Variants in FAM25A observed in about 807,000 individuals in gnomAD.
The protein encoded by FAM25A is family with sequence similarity 25 member A.
Under a neutral mutation model 6.6 loss-of-function variants are expected in FAM25A, and 5 were observed. That is an observed-to-expected ratio of 0.75 (90% CI 0.39 to 1.59). FAM25A has a LOEUF of 1.59. Among genes scored for constraint, FAM25A ranks in the 40% most tolerant of loss-of-function variants. The pLI is 0.02. For synonymous variants in FAM25A, 36 were observed against 41.3 expected, an observed-to-expected ratio of 0.87 and a Z score of 0.49; for missense variants, 93 against 109.7, an observed-to-expected ratio of 0.85 and a Z score of 0.68.
intron 2 of FAM25A, among the ~76,000 whole-genome samples, chr10:87,024,138 A>G (rs1845356323): frequency 6.9e-6 from 1 of 145,452 alleles, no homozygotes; most frequent in East Asian, 2.1e-4. Flanking sequence ...TTGACAATCC[A>G]AAACTGAAAT....
intron 2 of FAM25A, 51 bp downstream of exon 2, chr10:87,022,427 T>G: frequency 1.3e-6 from 2 of 1,538,836 alleles, no homozygotes; most frequent in South Asian, 1.2e-5. Flanking sequence ...CAAGGGAAGC[T>G]AGGTGCTGGG....
At position 87,024,103 on chromosome 10, in the gene FAM25A, G is replaced by A. The variant is rs182406779; in HGVS notation, c.137-438G>A. On this transcript the variant is annotated intron_variant, in intron 2 of 2. Coordinates refer to ENST00000343959, the MANE Select transcript of FAM25A (RefSeq NM_001146157.3). ...TTAGAACCATGACAAAAAAATCAGC[G>A]CCATAAAGGAAATATTAAGTAAATT... Among the ~76,000 whole-genome samples the A allele has an allele frequency of 3.8e-3, 578 of 151,014 alleles. 14 individuals carry two copies. The highest frequency in any genetic ancestry group is 0.029 in the Admixed American group (443 of 15,140).
intron 2 of FAM25A, among the ~76,000 whole-genome samples, chr10:87,023,492 G>A (rs1845349282): frequency 6.6e-6 from 1 of 152,210 alleles, no homozygotes; most frequent in Non-Finnish European, 1.5e-5. Flanking sequence ...AGGCCAAGGT[G>A]GGTGGGCCAC....
chr10:87,020,790 T>C (rs191332626), intron 1 of FAM25A, among the ~76,000 whole-genome samples: 172 of 152,360 alleles, frequency 1.1e-3, no homozygotes, highest in African/African-American at 3.8e-3. Context: ...AAAGGGCATT[T>C]TCAATTTCAT....
chr10:87,024,536 A>C lies in FAM25A; in HGVS notation c.137-5A>C. ...TAGGACATTCTTCCTCTTTCTTTCC[A>C]ACAGCCATTGCTGAAGCCATAAAGA... On this transcript the variant is annotated splice_region_variant and splice_polypyrimidine_tract_variant and intron_variant, in intron 2 of 2. Transcript: ENST00000343959. 1 of 1,535,812 alleles carries C rather than the reference A, an allele frequency of 6.5e-7. No individual in the cohort carries two copies. The highest frequency in any genetic ancestry group is 1.2e-5 in the South Asian group (1 of 83,972).
intron 2 of FAM25A, among the ~76,000 whole-genome samples, chr10:87,023,701 A>G (rs1306802590): frequency 6.6e-6 from 1 of 152,202 alleles, no homozygotes; most frequent in East Asian, 1.9e-4. Context: ...AGCCTTGGTG[A>G]CAGAGCAAGA....
intron 1 of FAM25A, among the ~76,000 whole-genome samples, chr10:87,021,964 G>T (rs1010406018): frequency 6.6e-6 from 1 of 152,230 alleles, no homozygotes; most frequent in Non-Finnish European, 1.5e-5. Flanking sequence ...TGGCAAGATG[G>T]CCTGCTCATT....
chr10:87,023,849 G>C (rs1010793470), intron 2 of FAM25A, among the ~76,000 whole-genome samples: 3 of 152,062 alleles, frequency 2.0e-5, no homozygotes, highest in Non-Finnish European at 2.9e-5. Flanking sequence ...GAGTCTTTCT[G>C]GTTCGTGGAT....
chr10:87,021,520 T>C (rs993855414), intron 1 of FAM25A, among the ~76,000 whole-genome samples: 4 of 152,216 alleles, frequency 2.6e-5, no homozygotes, highest in African/African-American at 7.2e-5. Flanking sequence ...CACCAATAAA[T>C]AGCATGGGTT....
rs1469401414 is a variant in FAM25A at position 87,024,563 on chromosome 10, A to G, written c.159A>G (p.Lys53=). ...GEKAIAEAIK[K]AQESGDKKMK... ...CAGCCATTGCTGAAGCCATAAAGAA[A>G]GCCCAAGAGTCAGGGGACAAAAAGA... The change falls in exon 3 of 3, where the codon AAA becomes AAG. Residue 53 remains lysine, a synonymous_variant. Coordinates refer to ENST00000343959, the MANE Select transcript of FAM25A (RefSeq NM_001146157.3). The G allele has an allele frequency of 2.6e-6, 4 of 1,535,792 alleles. No homozygotes were observed. The South Asian group carries it at 3.6e-5, about 14-fold the overall frequency.
chr10:87,024,467 C>G, intron 2 of FAM25A, 74 bp from the exon 3 acceptor site: 1 of 1,535,132 alleles, frequency 6.5e-7, no homozygotes, highest in East Asian at 2.4e-5. Context: ...ATGGCCACAT[C>G]CCACAGGCCA....
intron 1 of FAM25A, among the ~76,000 whole-genome samples, chr10:87,021,165 T>A (rs1312291060): frequency 6.6e-6 from 1 of 152,232 alleles, no homozygotes; most frequent in Non-Finnish European, 1.5e-5. Flanking sequence ...AGCAGCTATG[T>A]GTGGGGAGGC....
intron 2 of FAM25A, among the ~76,000 whole-genome samples, chr10:87,023,881 T>C (rs1193616689): frequency 3.9e-5 from 6 of 152,016 alleles, no homozygotes; most frequent in Non-Finnish European, 7.4e-5. Context: ...TGTCCTCACA[T>C]GGTGGAAGGA....
chr10:87,022,486 A>T lies in FAM25A; in HGVS notation c.136+110A>T, dbSNP rs936434117. 6.7e-5 allele frequency: 83 copies of T among 1,247,110 alleles called. No individual in the cohort carries two copies. The Middle Eastern group carries it at 1.0e-3, about 16-fold the overall frequency. The allele number at this position is 1,247,110 out of a possible 1,614,324, so 77.3% of individuals were successfully genotyped here. A position where few individuals can be genotyped will look rare whatever the true frequency, so the allele number is the denominator to read the frequency against. On this transcript the variant is annotated intron_variant, in intron 2 of 2. Transcript: ENST00000343959. Reference sequence around the variant, plus strand: ...GGTCAAACTCTGCCCCCAATGTTGCAGCCTTTCAGAGCCTCTTGGCTGGGG... The same window carrying T: ...GGTCAAACTCTGCCCCCAATGTTGCTGCCTTTCAGAGCCTCTTGGCTGGGG...
chr10:87,021,845 C>T (rs1845331336), intron 1 of FAM25A, among the ~76,000 whole-genome samples: 1 of 152,218 alleles, frequency 6.6e-6, no homozygotes, highest in Non-Finnish European at 1.5e-5. Flanking sequence ...CTTTGAGAGA[C>T]CTGGTTTTAC....
intron 2 of FAM25A, among the ~76,000 whole-genome samples, chr10:87,022,797 G>C (rs1480884335): frequency 2.0e-5 from 3 of 151,742 alleles, no homozygotes; most frequent in African/African-American, 7.3e-5. Flanking sequence ...CATGGTGGTG[G>C]GTGCCTATAG....
intron 2 of FAM25A, among the ~76,000 whole-genome samples, chr10:87,023,847 C>G (rs1288447481): frequency 6.6e-6 from 1 of 152,040 alleles, no homozygotes; most frequent in Non-Finnish European, 1.5e-5. Context: ...GGGAGTCTTT[C>G]TGGTTCGTGG....
intron 1 of FAM25A, among the ~76,000 whole-genome samples, 186 bp from the exon 2 acceptor site, chr10:87,022,128 G>A (rs917586936): frequency 6.6e-6 from 1 of 152,080 alleles, no homozygotes; most frequent in African/African-American, 2.4e-5. Context: ...GTCCTGGCTG[G>A]GGGTGGCATC....
chr10:87,024,574 CAG>C lies in FAM25A; in HGVS notation c.171_172del (p.Asp59GlnfsTer8). 6.5e-7 allele frequency: 1 copy of C among 1,535,756 alleles called. No individual in the cohort carries two copies. ...GAAGCCATAAAGAAAGCCCAAGAGT[CAG>C]GGGACAAAAAGATGAAGGAAATCAC... On this transcript the variant is annotated frameshift_variant, in exon 3 of 3. Transcript: ENST00000343959. LOFTEE classifies it high-confidence loss of function.
Sources: gnomAD v4.1 joint callset for allele counts (sites outside exome capture counted in the v4.1 genomes callset) on GRCh38, gnomAD v4.1.1 for gene constraint, MANE v1.5 for transcripts, NCBI Gene and HGNC (gene_info 2026-07-23, HGNC 2026-07-21) for gene names.